Variants in TYW1 observed in about 807,000 individuals in gnomAD.
The protein encoded by TYW1 is tRNA-yW synthesizing protein 1 homolog.
Under a neutral mutation model 96.2 loss-of-function variants are expected in TYW1, and 46 were observed. The observed-to-expected ratio is 0.48, with a 90% CI of 0.38 to 0.61. TYW1 has a LOEUF of 0.61. Ranked by LOEUF, TYW1 falls within the 20% of genes least tolerant of loss-of-function variation. The pLI is 0.00. For missense variants in TYW1, 684 were observed against 909.6 expected, an observed-to-expected ratio of 0.75 and a Z score of 3.19; for synonymous variants, 274 against 323.0, an observed-to-expected ratio of 0.85 and a Z score of 1.63.
chr7:67,158,335 C>T (rs906532652), intron 13 of TYW1, among the ~76,000 whole-genome samples: 1 of 152,038 alleles, frequency 6.6e-6, no homozygotes, highest in African/African-American at 2.4e-5. Flanking sequence ...GATCTGCCCG[C>T]CTTCGGCCTC....
chr7:67,129,972 C>G lies in TYW1; in HGVS notation c.1698+12354C>G, dbSNP rs541376559. ...ATCTTTAAAGTACAGATTTGATAAG[C>G]TATCATTACTACGTATTGAAACTTG... On this transcript the variant is annotated intron_variant, in intron 13 of 15. Transcript: ENST00000359626. Among the ~76,000 whole-genome samples, 69 of 152,108 alleles carry G rather than the reference C, an allele frequency of 4.5e-4. No homozygotes were observed. In the South Asian group the frequency reaches 0.014, roughly 31 times the overall value.
At chr7:67,195,415 C>T in intron 15 of TYW1, 78 bp downstream of exon 15, 2 of 1,598,134 alleles carry the variant, frequency 1.3e-6, no homozygotes, top group Non-Finnish European at 8.6e-7. Flanking sequence ...TTATTTTCCT[C>T]TTACATTGTT....
intron 10 of TYW1, among the ~76,000 whole-genome samples, chr7:67,067,885 C>T (rs1366806224): frequency 6.6e-6 from 1 of 152,146 alleles, no homozygotes; most frequent in Non-Finnish European, 1.5e-5. Context: ...CAGCTGGTTA[C>T]AGCCCATTGT....
chr7:67,149,722 A>ATATCTACCTATCTATCTATC (rs1554376827), intron 13 of TYW1, among the ~76,000 whole-genome samples: 1 of 140,120 alleles, frequency 7.1e-6, no homozygotes, highest in Non-Finnish European at 1.6e-5. Flanking sequence ...AGGAAAAAAA[A>ATATCTACCTATCTATCTATC]TATCTATCTA....
chr7:67,022,399 A>G (rs957195007), intron 6 of TYW1, among the ~76,000 whole-genome samples: 2 of 152,172 alleles, frequency 1.3e-5, no homozygotes, highest in Admixed American at 6.6e-5. Flanking sequence ...CTTCTTGTCC[A>G]GGATAACATG....
intron 14 of TYW1, among the ~76,000 whole-genome samples, chr7:67,187,052 A>ATTTTTT (rs750086247): frequency 9.9e-6 from 1 of 100,900 alleles, no homozygotes; most frequent in African/African-American, 3.5e-5. Context: ...CCACAATTAA[A>ATTTTTT]TTTTTTTTTT....
chr7:67,021,955 C>T (rs570561159), intron 6 of TYW1, among the ~76,000 whole-genome samples: 1 of 152,340 alleles, frequency 6.6e-6, no homozygotes, highest in South Asian at 2.1e-4. Context: ...TGGTCTGTTC[C>T]CCAGGCTGGA....
intron 12 of TYW1, among the ~76,000 whole-genome samples, chr7:67,108,204 G>A (rs368408338): frequency 1.3e-5 from 2 of 152,024 alleles, no homozygotes; most frequent in African/African-American, 4.8e-5. Context: ...ATAATAAAAC[G>A]TTAAGCCCAC....
intron 13 of TYW1, among the ~76,000 whole-genome samples, chr7:67,139,130 G>A (rs1798362399): frequency 6.6e-6 from 1 of 152,102 alleles, no homozygotes; most frequent in African/African-American, 2.4e-5. Context: ...TCGGCTCACT[G>A]CAGCCTCCAC....
chr7:67,011,819 G>A (rs1192101265), intron 4 of TYW1, among the ~76,000 whole-genome samples: 3 of 150,762 alleles, frequency 2.0e-5, no homozygotes, highest in Admixed American at 1.3e-4. Flanking sequence ...GTCGCAGTGA[G>A]CCAAGATCGT....
intron 4 of TYW1, among the ~76,000 whole-genome samples, chr7:67,013,723 C>G (rs1793899142): frequency 6.8e-6 from 1 of 147,982 alleles, no homozygotes; most frequent in Admixed American, 6.8e-5. Context: ...GCCTGGCCAT[C>G]TCTCTGCATT....
rs10254312 is a variant in TYW1 at position 67,012,218 on chromosome 7, C to T, written c.376-2149C>T. ...AATAGAAAAATTAGCCATGGTGGTG[C>T]GCGCCTGTAGTCCCAGCTACTTGGG... On this transcript the variant is annotated intron_variant, in intron 4 of 15. Transcript: ENST00000359626. 8.1e-3 allele frequency among the ~76,000 whole-genome samples: 1,233 copies of T among 151,514 alleles called. 15 individuals carry two copies. The highest frequency in any genetic ancestry group is 0.028 in the African/African-American group (1,155 of 41,296).
chr7:67,205,633 A>C (rs913000246), intron 15 of TYW1, among the ~76,000 whole-genome samples: 2 of 151,918 alleles, frequency 1.3e-5, no homozygotes, highest in African/African-American at 4.8e-5. Context: ...CATTATAACC[A>C]GGTGAAGGTG....
At chr7:67,083,390 T>C (rs199504099) in intron 10 of TYW1, 40 bp from the exon 11 acceptor site, 23 of 1,598,438 alleles carry the variant, frequency 1.4e-5, no homozygotes, top group Non-Finnish European at 1.7e-6. Context: ...CCAGATCTTA[T>C]TACAGAAGGG....
At chr7:67,040,019 C>T (rs963064309) in intron 7 of TYW1, among the ~76,000 whole-genome samples, 5 of 150,758 alleles carry the variant, frequency 3.3e-5, no homozygotes, top group East Asian at 2.0e-4. Context: ...TGCAGTGGTG[C>T]AATCTTGGCT....
intron 9 of TYW1, among the ~76,000 whole-genome samples, chr7:67,058,363 A>G (rs1431213399): frequency 6.6e-6 from 1 of 152,216 alleles, no homozygotes; most frequent in African/African-American, 2.4e-5. Flanking sequence ...CCAGACTTCA[A>G]TGTCTGTATT....
rs557840679 is a variant in TYW1, at chr7:66,998,737, A to G, written c.136-80A>G. ...TAAGAGAAAAATAAAATGTGTCAGT[A>G]TCTGTGCTAATTTTCATCCCTGCTG... On this transcript the variant is annotated intron_variant, in intron 2 of 15. Coordinates refer to ENST00000359626, the MANE Select transcript of TYW1 (RefSeq NM_018264.4). The G allele has an allele frequency of 8.6e-5, 127 of 1,484,416 alleles. 3 individuals are homozygous for G. The South Asian group carries it at 1.2e-3, about 14-fold the overall frequency. 92.0% of individuals were successfully genotyped at this position (1,484,416 alleles called of 1,614,324 possible).
chr7:67,012,448 T>C (rs1215214706), intron 4 of TYW1, among the ~76,000 whole-genome samples: 1 of 152,194 alleles, frequency 6.6e-6, no homozygotes, highest in African/African-American at 2.4e-5. Context: ...ACTCTGTCCA[T>C]TTCTTTGTCC....
At chr7:67,124,170 G>A (rs537066681) in intron 13 of TYW1, among the ~76,000 whole-genome samples, 13 of 152,134 alleles carry the variant, frequency 8.5e-5, no homozygotes, top group Non-Finnish European at 1.0e-4. Flanking sequence ...CATCTTCTAC[G>A]GTTTTTATGC....
Sources: gnomAD v4.1 joint callset for allele counts (sites outside exome capture counted in the v4.1 genomes callset) on GRCh38, gnomAD v4.1.1 for gene constraint, MANE v1.5 for transcripts, NCBI Gene and HGNC (gene_info 2026-07-23, HGNC 2026-07-21) for gene names.